Variants in MTMR7 observed in about 807,000 individuals in gnomAD.
MTMR7 encodes phosphatidylinositol-3-phosphate phosphatase MTMR7.
In MTMR7, 76 loss-of-function variants were observed where a neutral mutation model predicts 81.2. The observed-to-expected ratio is 0.94, with a 90% CI of 0.78 to 1.13. The LOEUF is 1.13. Ranked by LOEUF, MTMR7 falls within the 50% of genes most tolerant of loss-of-function variation. MTMR7 has a pLI of 0.00. For missense variants in MTMR7, 1,044 were observed against 820.0 expected, an observed-to-expected ratio of 1.27 and a Z score of -3.34; for synonymous variants, 372 against 289.8, an observed-to-expected ratio of 1.28 and a Z score of -2.88.
At chr8:17,325,610 T>C (rs1221699899) in intron 7 of MTMR7, among the ~76,000 whole-genome samples, 3 of 152,140 alleles carry the variant, frequency 2.0e-5, no homozygotes, top group Non-Finnish European at 4.4e-5. Context: ...TCCCACATGC[T>C]CTGGGCTCAC....
chr8:17,322,424 C>G (rs1341736766), intron 7 of MTMR7, among the ~76,000 whole-genome samples: 1 of 152,178 alleles, frequency 6.6e-6, no homozygotes, highest in Non-Finnish European at 1.5e-5. Flanking sequence ...TGTCTAAAGA[C>G]AAATTCACAG....
chr8:17,391,533 T>C (rs944962082), intron 1 of MTMR7, among the ~76,000 whole-genome samples: 1 of 152,166 alleles, frequency 6.6e-6, no homozygotes, highest in African/African-American at 2.4e-5. Context: ...ACTTCCAGAA[T>C]GTACAAGTGA....
intron 11 of MTMR7, among the ~76,000 whole-genome samples, chr8:17,305,007 T>C (rs954176167): frequency 6.6e-6 from 1 of 152,096 alleles, no homozygotes; most frequent in African/African-American, 2.4e-5. Flanking sequence ...ACTGTTAGAA[T>C]TGGCTAGTCA....
rs373368777 is a variant in MTMR7 at position 17,371,097 on chromosome 8, T to C, written c.250A>G (p.Ile84Val). 1.9e-6 allele frequency: 3 copies of C among 1,614,106 alleles called. No individual in the cohort carries two copies. Among genetic ancestry groups the C allele is most frequent in the African/African-American group, 2.7e-5 (2 of 74,958 alleles). Residue 84 changes from isoleucine (I) to valine (V), a missense_variant, in exon 3 of 14, where the codon ATA becomes GTA. Coordinates refer to ENST00000180173, the MANE Select transcript of MTMR7 (RefSeq NM_004686.5). ...CKNFQIIQLI[I>V]PQERDCHDVY... The stretch of plus-strand genomic sequence containing the variant: ...TCGTGGCAATCTCTTTCCTGAGGTA[T>C]GATGAGCTGTATTATCTGAAAGTTC...
At chr8:17,382,396 G>A (rs1420604013) in intron 1 of MTMR7, among the ~76,000 whole-genome samples, 1 of 152,126 alleles carries the variant, frequency 6.6e-6, no homozygotes, top group African/African-American at 2.4e-5. Context: ...GGGGAGTTAG[G>A]AAATCACTGG....
chr8:17,406,260 G>C (rs1403028353), intron 1 of MTMR7, among the ~76,000 whole-genome samples: 3 of 152,076 alleles, frequency 2.0e-5, no homozygotes, highest in Admixed American at 6.6e-5. Flanking sequence ...ACTGACTAAG[G>C]ATTTGTATCC....
At chr8:17,399,247 C>CA (rs1317378167) in intron 1 of MTMR7, among the ~76,000 whole-genome samples, 1 of 151,912 alleles carries the variant, frequency 6.6e-6, no homozygotes, top group Admixed American at 6.6e-5. Flanking sequence ...AAGACTCCAC[C>CA]AAAAAACGAT....
In MTMR7 at chr8:17,341,452, G is replaced by T; in HGVS notation, c.643C>A (p.Arg215=). Reference sequence around the variant, plus strand: ...AGCATCTGCTCGTCCTCTAGGCACCGGGCACTGAAGCCGGACAGGGGCTGG... The same window carrying T: ...AGCATCTGCTCGTCCTCTAGGCACCTGGCACTGAAGCCGGACAGGGGCTGG... The part of the protein sequence containing the change: ...SSQPLSGFSA[R]CLEDEQMLQA... The change falls in exon 6 of 14, where the codon CGG becomes AGG. Residue 215 remains arginine, a synonymous_variant. Transcript: ENST00000180173. 6.2e-7 allele frequency: 1 copy of T among 1,614,070 alleles called. No homozygotes were observed. The highest frequency in any genetic ancestry group is 8.5e-7 in the Non-Finnish European group (1 of 1,180,014).
chr8:17,396,120 G>A (rs534741220), intron 1 of MTMR7, among the ~76,000 whole-genome samples: 4 of 69,002 alleles, frequency 5.8e-5, no homozygotes, highest in African/African-American at 1.3e-4. Context: ...ACCAACATAC[G>A]GTTTATAAAA....
chr8:17,372,457 G>C (rs1030321756), intron 2 of MTMR7, among the ~76,000 whole-genome samples: 1 of 151,972 alleles, frequency 6.6e-6, no homozygotes, highest in African/African-American at 2.4e-5. Flanking sequence ...GCGTGGTGGC[G>C]CGTGACTGTA....
At chr8:17,371,327 G>A (rs1202647568) in intron 2 of MTMR7, 128 bp from the exon 3 acceptor site, 13 of 1,001,488 alleles carry the variant, frequency 1.3e-5, no homozygotes, top group Non-Finnish European at 1.5e-6. Context: ...CTCAACCCTT[G>A]CGTTCAGATG....
At chr8:17,327,365 G>A (rs1818737761) in intron 7 of MTMR7, among the ~76,000 whole-genome samples, 1 of 152,128 alleles carries the variant, frequency 6.6e-6, no homozygotes, top group Admixed American at 6.5e-5. Context: ...CAACCTCCCA[G>A]GCCCAAGTGA....
intron 1 of MTMR7, among the ~76,000 whole-genome samples, chr8:17,373,663 T>C (rs896823701): frequency 2.0e-5 from 3 of 152,240 alleles, no homozygotes; most frequent in Non-Finnish European, 4.4e-5. Flanking sequence ...GTTTCTAGCT[T>C]GTAGAAATGG....
chr8:17,374,716 G>A (rs561495992), intron 1 of MTMR7, among the ~76,000 whole-genome samples: 18 of 152,304 alleles, frequency 1.2e-4, no homozygotes, highest in Non-Finnish European at 2.2e-4. Context: ...GGGAGGCTGA[G>A]GCAGGAAAAT....
intron 1 of MTMR7, among the ~76,000 whole-genome samples, chr8:17,402,969 C>T (rs187876277): frequency 6.6e-6 from 1 of 152,260 alleles, no homozygotes; most frequent in Non-Finnish European, 1.5e-5. Flanking sequence ...TCTCACTGTA[C>T]TTTTGATTTT....
chr8:17,380,944 G>C (rs1256418610), intron 1 of MTMR7, among the ~76,000 whole-genome samples: 1 of 152,016 alleles, frequency 6.6e-6, no homozygotes, highest in Non-Finnish European at 1.5e-5. Context: ...CTTGGCAATG[G>C]ATACAAGAGC....
At chr8:17,314,247 A>C (rs13248986) in intron 7 of MTMR7, among the ~76,000 whole-genome samples, 1,655 of 152,306 alleles carry the variant, frequency 0.011, 20 homozygotes, top group Middle Eastern at 0.024. Flanking sequence ...CTTATCAATC[A>C]ACCAATGAAA....
intron 5 of MTMR7, 87 bp from the exon 6 acceptor site, chr8:17,341,584 C>A (rs528577917): frequency 2.0e-6 from 3 of 1,474,678 alleles, no homozygotes; most frequent in African/African-American, 1.4e-5. Flanking sequence ...AACAAAGAGC[C>A]CTTGGCTCAC....
rs541204662 is a variant in MTMR7 at position 17,358,347 on chromosome 8, C to T, written c.468+2770G>A. Among the ~76,000 whole-genome samples, 8 of 152,148 alleles carry T rather than the reference C, an allele frequency of 5.3e-5. No individual in the cohort carries two copies. In the South Asian group the frequency reaches 1.5e-3, roughly 28 times the overall value. On this transcript the variant is annotated intron_variant, in intron 4 of 13. Coordinates refer to ENST00000180173, the MANE Select transcript of MTMR7 (RefSeq NM_004686.5). ...ATGTGAAACTGACAAAAAGAATACA[C>T]CAAGCAGATGTCCTTAATCATTACG...
Sources: allele counts gnomAD v4.1 joint callset (sites outside exome capture counted in the v4.1 genomes callset), GRCh38; gene constraint gnomAD v4.1.1; transcripts MANE v1.5; gene names NCBI Gene and HGNC (gene_info 2026-07-23, HGNC 2026-07-21).